CDCP1: variants seen among roughly 807,000 people sequenced by gnomAD.
CDCP1 encodes the protein CUB domain-containing protein 1.
A neutral mutation model predicts 60.2 loss-of-function variants in CDCP1; 29 were observed. The observed-to-expected ratio is 0.48, with a 90% CI of 0.36 to 0.66. The LOEUF is 0.66. CDCP1 is among the 30% of genes least tolerant of loss of function. The pLI, the probability that CDCP1 is intolerant of heterozygous loss-of-function variation, is 0.00. For synonymous variants in CDCP1, 387 were observed against 431.1 expected (o/e 0.90, Z 1.27); for missense variants, 876 against 1,074.3 (o/e 0.82, Z 2.58).
intron 1 of CDCP1, among the ~76,000 whole-genome samples, chr3:45,125,602 T>A (rs1456825920): frequency 6.6e-6 from 1 of 152,238 alleles, no homozygotes. Flanking sequence ...ATATTACAAC[T>A]ACTACTAGCA....
chr3:45,087,964 G>A (rs1698227183), intron 8 of CDCP1, among the ~76,000 whole-genome samples: 1 of 151,942 alleles, frequency 6.6e-6, no homozygotes, highest in Non-Finnish European at 1.5e-5. Context: ...GGAGGTTGCG[G>A]TGAGCCGAGA....
chr3:45,089,214 C>G, intron 7 of CDCP1, 73 bp from the exon 8 acceptor site: 1 of 1,197,968 alleles, frequency 8.3e-7, no homozygotes, highest in Non-Finnish European at 1.2e-6. Context: ...TGAGGCATCT[C>G]CAAAAGCAGC....
chr3:45,131,906 A>C (rs951495154), intron 1 of CDCP1, among the ~76,000 whole-genome samples: 2 of 152,156 alleles, frequency 1.3e-5, no homozygotes, highest in East Asian at 3.8e-4. Context: ...CCTGTGAGAA[A>C]TGTTCTGACA....
chr3:45,121,852 A>G (rs1296221028), intron 1 of CDCP1, among the ~76,000 whole-genome samples: 1 of 152,256 alleles, frequency 6.6e-6, no homozygotes, highest in Non-Finnish European at 1.5e-5. Flanking sequence ...ATAAAAAGAA[A>G]AAGTGTTCAA....
At chr3:45,137,978 T>C (rs1043632041) in intron 1 of CDCP1, among the ~76,000 whole-genome samples, 15 of 152,174 alleles carry the variant, frequency 9.9e-5, no homozygotes, top group African/African-American at 3.6e-4. Context: ...TTTCCCTCCA[T>C]GGAGATCTAG....
At position 45,091,456 on chromosome 3, in the gene CDCP1, G is replaced by T. The variant is rs758939712; in HGVS notation, c.1710C>A (p.Ser570=). 8.7e-6 allele frequency: 14 copies of T among 1,611,926 alleles called. No homozygotes were observed. In the African/African-American group the frequency reaches 1.6e-4, roughly 18 times the overall value. ...RTPNWDRGLP[S]LTSVSWNISV... ...TGATGTTCCAGGACACAGAGGTGAGGGATGGCAGGCCCCGGTCCCAGTTGG... is the reference window on the plus strand; with the variant it reads ...TGATGTTCCAGGACACAGAGGTGAGTGATGGCAGGCCCCGGTCCCAGTTGG... The change falls in exon 7 of 9, where the codon TCC becomes TCA. Residue 570 remains serine, a synonymous_variant. Coordinates refer to ENST00000296129, the MANE Select transcript of CDCP1 (RefSeq NM_022842.5). The surrounding 1 kb of genome is among the most constrained non-coding windows in gnomAD (Gnocchi z 4.8).
At chr3:45,142,513 T>G (rs1699307843) in intron 1 of CDCP1, among the ~76,000 whole-genome samples, 1 of 152,214 alleles carries the variant, frequency 6.6e-6, no homozygotes, top group African/African-American at 2.4e-5. Context: ...CTTCCATAGA[T>G]GCTGGTGAAA....
At chr3:45,146,106 C>A in intron 1 of CDCP1, 100 bp downstream of exon 1, 1 of 1,128,090 alleles carries the variant, frequency 8.9e-7, no homozygotes, top group Non-Finnish European at 1.2e-6. Context: ...ACCCTCCGCA[C>A]CCTCCGCACC....
At chr3:45,118,274 TA>T in intron 2 of CDCP1, 137 bp downstream of exon 2, 2 of 681,104 alleles carry the variant, frequency 2.9e-6, no homozygotes, top group Non-Finnish European at 5.0e-6. Context: ...ACATCAGAGC[TA>T]AATTAAAAAA....
chr3:45,129,132 G>C (rs768820708), intron 1 of CDCP1, among the ~76,000 whole-genome samples: 23 of 152,354 alleles, frequency 1.5e-4, no homozygotes, highest in Admixed American at 1.3e-4. Flanking sequence ...GGTTTGCACA[G>C]AACCATCCAA....
intron 1 of CDCP1, among the ~76,000 whole-genome samples, chr3:45,128,737 GAC>G (rs1699040662): frequency 6.6e-6 from 1 of 152,174 alleles, no homozygotes; most frequent in Non-Finnish European, 1.5e-5. Context: ...ACTTTTTTGA[GAC>G]AGAGTCTTGC....
chr3:45,112,144 G>C lies in CDCP1; in HGVS notation c.594C>G (p.Leu198=), dbSNP rs1464863655. The C allele has an allele frequency of 6.2e-7, 1 of 1,614,086 alleles. No individual in the cohort carries two copies. Among genetic ancestry groups the C allele is most frequent in the African/African-American group, 1.3e-5 (1 of 74,928 alleles). Residue 198 remains leucine, a synonymous_variant, in exon 3 of 9, where the codon CTC becomes CTG. Coordinates refer to ENST00000296129, the MANE Select transcript of CDCP1 (RefSeq NM_022842.5). The stretch of plus-strand genomic sequence containing the variant: ...AGACATTTCTGGGGTGGAACCATGG[G>C]AGGTGTAAGGCCATTTTCACTCCTT... ...MQEGVKMALH[L]PWFHPRNVSG...
At chr3:45,126,078 G>C (rs1229189698) in intron 1 of CDCP1, among the ~76,000 whole-genome samples, 2 of 149,330 alleles carry the variant, frequency 1.3e-5, no homozygotes, top group African/African-American at 2.5e-5. Flanking sequence ...TAGCAGAAGA[G>C]GAGCAACTGC....
At chr3:45,125,615 G>A (rs145876934) in intron 1 of CDCP1, among the ~76,000 whole-genome samples, 20 of 152,326 alleles carry the variant, frequency 1.3e-4, no homozygotes, top group East Asian at 9.6e-4. Context: ...TACTAGCAGC[G>A]ATGGGGCACC....
intron 1 of CDCP1, among the ~76,000 whole-genome samples, chr3:45,120,530 T>C (rs62242541): frequency 0.17 from 25,981 of 152,078 alleles, 2,239 homozygotes; most frequent in Middle Eastern, 0.27. Context: ...ATTACCTGAG[T>C]AAGTAGGAAG....
intron 1 of CDCP1, among the ~76,000 whole-genome samples, chr3:45,126,106 CTCTCTT>C (rs746669441): frequency 0.028 from 4,110 of 148,840 alleles, 82 homozygotes; most frequent in Non-Finnish European, 0.037. Context: ...CTTTGTCTCT[CTCTCTT>C]TCTTTCTTTC....
At chr3:45,133,394 T>C (rs77406139) in intron 1 of CDCP1, among the ~76,000 whole-genome samples, 10,867 of 147,506 alleles carry the variant, frequency 0.074, 523 homozygotes, top group Middle Eastern at 0.2. Flanking sequence ...ACCAAGTTTC[T>C]GGCAATTTGT....
At chr3:45,137,299 T>C (rs1272693873) in intron 1 of CDCP1, among the ~76,000 whole-genome samples, 1 of 152,172 alleles carries the variant, frequency 6.6e-6, no homozygotes, top group East Asian at 1.9e-4. Context: ...AGCATTTGGG[T>C]TGTTTCCAGT....
chr3:45,125,365 T>C (rs1428068734), intron 1 of CDCP1, among the ~76,000 whole-genome samples: 3 of 152,160 alleles, frequency 2.0e-5, no homozygotes, highest in South Asian at 4.2e-4. Flanking sequence ...GTACAGATTC[T>C]AGAATCAAAC....
Sources: allele counts gnomAD v4.1 joint callset (sites outside exome capture counted in the v4.1 genomes callset), GRCh38; gene constraint gnomAD v4.1.1; non-coding constraint Gnocchi (gnomAD v3.1); transcripts MANE v1.5; gene names NCBI Gene and HGNC (gene_info 2026-07-23, HGNC 2026-07-21).